The following DENND11 variants were observed in gnomAD, a reference collection of about 807,000 sequenced individuals.
The protein encoded by DENND11 is DENN domain-containing protein 11.
Under a neutral mutation model 49.2 loss-of-function variants are expected in DENND11, and 34 were observed. The ratio of observed to expected loss-of-function variants is 0.69; its 90% CI spans 0.53 to 0.92. DENND11 has a LOEUF of 0.92. Among genes scored for constraint, DENND11 ranks in the 40% least tolerant of loss-of-function variants. The pLI is 0.00. For missense variants in DENND11, 475 were observed against 581.6 expected (o/e 0.82, Z 1.88); for synonymous variants, 238 against 230.3 (o/e 1.03, Z -0.30).
In DENND11 at chr7:141,672,133, C is replaced by T. The variant is rs1316673421; in HGVS notation, c.681+1934G>A. ...CACAGATGCGCAGTGCCTCCCTCAG[C>T]GATCTGAGCACTGGCTGTGCAGGGA... On this transcript the variant is annotated intron_variant, in intron 4 of 8. Transcript: ENST00000536163. Among the ~76,000 whole-genome samples the T allele has an allele frequency of 5.3e-5, 8 of 152,342 alleles. No individual in the cohort carries two copies. The East Asian group carries it at 9.6e-4, about 18-fold the overall frequency.
intron 4 of DENND11, among the ~76,000 whole-genome samples, chr7:141,671,542 C>G (rs116151979): frequency 1.5e-3 from 223 of 152,296 alleles, no homozygotes; most frequent in African/African-American, 4.8e-3. Context: ...TTATTTGTAT[C>G]TGCAACCATA....
At position 141,659,722 on chromosome 7, in the gene DENND11, T is replaced by G. The variant is rs910420494; in HGVS notation, c.*2934A>C. On this transcript the variant is annotated 3_prime_UTR_variant, in exon 9 of 9. Transcript: ENST00000536163. The stretch of plus-strand genomic sequence containing the variant: ...GACAGCTTCACAGGAGAACTAGGCC[T>G]GCTCAGGCAGGCGAGGGCTGAGGCC... The G allele has an allele frequency of 6.6e-6, 1 of 152,266 alleles. No homozygotes were observed. The highest frequency in any genetic ancestry group is 2.1e-4 in the South Asian group (1 of 4,822). The allele number at this position is 152,266 out of a possible 1,614,324, so 9.4% of individuals were successfully genotyped here. A position where few individuals can be genotyped will look rare whatever the true frequency, so the allele number is the denominator to read the frequency against.
chr7:141,675,926 A>G (rs1227163066), intron 3 of DENND11, among the ~76,000 whole-genome samples: 1 of 152,234 alleles, frequency 6.6e-6, no homozygotes, highest in Non-Finnish European at 1.5e-5. Flanking sequence ...TCCTATAACA[A>G]ATAACTAGTT....
chr7:141,661,900 T>C lies in DENND11; in HGVS notation c.*756A>G, dbSNP rs1797801551. On this transcript the variant is annotated 3_prime_UTR_variant, in exon 9 of 9. Transcript: ENST00000536163. ...TTGCTTGCAAGCTCCAAGGCCAGCA[T>C]TGGCCCTTAGCAATTCACCAATTCA... The C allele has an allele frequency of 6.6e-6, 1 of 152,242 alleles. No individual in the cohort carries two copies. The highest frequency in any genetic ancestry group is 2.4e-5 in the African/African-American group (1 of 41,454). 9.4% of individuals were successfully genotyped at this position (152,242 alleles called of 1,614,324 possible). A position where few individuals can be genotyped will look rare whatever the true frequency, so the allele number is the denominator to read the frequency against.
At chr7:141,698,010 T>C (rs1484736420) in intron 1 of DENND11, among the ~76,000 whole-genome samples, 2 of 152,176 alleles carry the variant, frequency 1.3e-5, no homozygotes, top group Non-Finnish European at 2.9e-5. Flanking sequence ...TCTTGCAAGC[T>C]GCCCCAGTAC....
At position 141,674,233 on chromosome 7, in the gene DENND11, ACAC is replaced by A; in HGVS notation, c.528-16_528-14del. On this transcript the variant is annotated splice_polypyrimidine_tract_variant and intron_variant, in intron 3 of 8. Transcript: ENST00000536163. Reference sequence around the variant, plus strand: ...CTCCAACTGGTGCCTGCAGAAAAACACACACACACACACACACACACACACAGT... The same window carrying A: ...CTCCAACTGGTGCCTGCAGAAAAACAACACACACACACACACACACACAGT... 1 of 835,768 alleles carries A rather than the reference ACAC, an allele frequency of 1.2e-6. No homozygotes were observed. 51.8% of individuals were successfully genotyped at this position (835,768 alleles called of 1,614,324 possible). A position where few individuals can be genotyped will look rare whatever the true frequency, so the allele number is the denominator to read the frequency against.
rs2117045417 is a variant in DENND11, at chr7:141,658,531, C to A, written c.*4125G>T. ...TCCAAGCCTACTAGCTTGGGATCTA[C>A]TAGGGAGATAAAAGCCCATGCCTGG... On this transcript the variant is annotated 3_prime_UTR_variant, in exon 9 of 9. Transcript: ENST00000536163. The A allele has an allele frequency of 6.6e-6, 1 of 152,330 alleles. No homozygotes were observed. The highest frequency in any genetic ancestry group is 3.4e-3 in the Middle Eastern group (1 of 294). 9.4% of individuals were successfully genotyped at this position (152,330 alleles called of 1,614,324 possible).
At chr7:141,683,652 A>C (rs895890949) in intron 3 of DENND11, among the ~76,000 whole-genome samples, 4 of 152,076 alleles carry the variant, frequency 2.6e-5, no homozygotes, top group South Asian at 4.1e-4. Context: ...CAACAAACAA[A>C]AACAACAACA....
At chr7:141,683,304 G>C (rs557306025) in intron 3 of DENND11, among the ~76,000 whole-genome samples, 47 of 152,156 alleles carry the variant, frequency 3.1e-4, no homozygotes, top group African/African-American at 1.1e-3. Flanking sequence ...TGAGCAAAGG[G>C]GACAAACTAT....
chr7:141,701,793 C>G, intron 1 of DENND11, 93 bp downstream of exon 1: 13 of 1,015,080 alleles, frequency 1.3e-5, no homozygotes, highest in Non-Finnish European at 1.6e-5. Flanking sequence ...GCCGGGAGGG[C>G]AGGTGCGCGC....
At position 141,697,933 on chromosome 7, in the gene DENND11, C is replaced by T. The variant is rs571164614; in HGVS notation, c.268+3953G>A. Among the ~76,000 whole-genome samples, 72 of 152,240 alleles carry T rather than the reference C, an allele frequency of 4.7e-4. 1 individual carries two copies. Among genetic ancestry groups the T allele is most frequent in the African/African-American group, 1.6e-3 (68 of 41,534 alleles). Reference sequence around the variant, plus strand: ...GCTGAGGAACAGGTAGAAATTCATTCCCAAGAAGAAAGGGAGAAACATCTT... The same window carrying T: ...GCTGAGGAACAGGTAGAAATTCATTTCCAAGAAGAAAGGGAGAAACATCTT... On this transcript the variant is annotated intron_variant, in intron 1 of 8. Coordinates refer to ENST00000536163, the MANE Select transcript of DENND11 (RefSeq NM_001080392.2).
Position 141,693,692 on chromosome 7 carries a change from G to A in DENND11, c.269-7034C>T, listed in dbSNP as rs151081912. 5.0e-3 allele frequency among the ~76,000 whole-genome samples: 767 copies of A among 152,320 alleles called. 8 individuals are homozygous for A. The highest frequency in any genetic ancestry group is 0.018 in the African/African-American group (749 of 41,560). On this transcript the variant is annotated intron_variant, in intron 1 of 8. Coordinates refer to ENST00000536163, the MANE Select transcript of DENND11 (RefSeq NM_001080392.2). ...AAAATGAGCTATCAAGCCATGAAGA[G>A]ACATGGAGGAACTTTAAATGCATGT...
At position 141,662,552 on chromosome 7, in the gene DENND11, C is replaced by T; in HGVS notation, c.*104G>A. Reference sequence around the variant, plus strand: ...TTTGTTGGAAAGTATAAACAATATTCCTTTGTGTCAACTTAATAAAAAATG... The same window carrying T: ...TTTGTTGGAAAGTATAAACAATATTTCTTTGTGTCAACTTAATAAAAAATG... On this transcript the variant is annotated 3_prime_UTR_variant, in exon 9 of 9. Transcript: ENST00000536163. 1 of 725,816 alleles carries T rather than the reference C, an allele frequency of 1.4e-6. No homozygotes were observed. The highest frequency in any genetic ancestry group is 2.1e-6 in the Non-Finnish European group (1 of 481,382). 45.0% of individuals were successfully genotyped at this position (725,816 alleles called of 1,614,324 possible). A position where few individuals can be genotyped will look rare whatever the true frequency, so the allele number is the denominator to read the frequency against.
rs192056739 is a variant in DENND11 at position 141,657,225 on chromosome 7, C to G, written c.*5431G>C. 6.6e-6 allele frequency: 1 copy of G among 152,590 alleles called. No individual in the cohort carries two copies. The highest frequency in any genetic ancestry group is 1.9e-4 in the East Asian group (1 of 5,190). The allele number at this position is 152,590 out of a possible 1,614,324, so 9.5% of individuals were successfully genotyped here. A position where few individuals can be genotyped will look rare whatever the true frequency, so the allele number is the denominator to read the frequency against. ...ATTTTCCCGGACCTATACAAAAATT[C>G]AGTCAACAAGTTTTGGGTAAATAAA... is the stretch of plus-strand genomic sequence containing the variant. On this transcript the variant is annotated 3_prime_UTR_variant, in exon 9 of 9. Coordinates refer to ENST00000536163, the MANE Select transcript of DENND11 (RefSeq NM_001080392.2).
intron 1 of DENND11, among the ~76,000 whole-genome samples, chr7:141,690,500 G>T (rs1281976941): frequency 6.6e-6 from 1 of 152,138 alleles, no homozygotes; most frequent in Non-Finnish European, 1.5e-5. Context: ...TATATAGATT[G>T]TCTAACAGCT....
intron 7 of DENND11, among the ~76,000 whole-genome samples, chr7:141,664,533 G>A (rs1797856348): frequency 6.6e-6 from 1 of 152,186 alleles, no homozygotes. Context: ...ATACATATAA[G>A]CAAGCTTCTA....
chr7:141,698,032 G>A (rs1798443860), intron 1 of DENND11, among the ~76,000 whole-genome samples: 2 of 152,272 alleles, frequency 1.3e-5, no homozygotes, highest in Middle Eastern at 3.4e-3. Flanking sequence ...AACACAGGGA[G>A]CACAGGAATT....
Position 141,702,163 on chromosome 7 carries a change from A to AGGCGGAGCCGCGGGCGCGAGGGGCGG in DENND11, c.-11_-10insCCGCCCCTCGCGCCCGCGGCTCCGCC, listed in dbSNP as rs1798533960. On this transcript the variant is annotated 5_prime_UTR_variant, in exon 1 of 9. Coordinates refer to ENST00000536163, the MANE Select transcript of DENND11 (RefSeq NM_001080392.2). ...CTCCCTGCTCCACCATGGCTAGGCGAGGCGGAGCCGCGGGCGCGAGGGGCG... is the reference window on the plus strand; with the variant it reads ...CTCCCTGCTCCACCATGGCTAGGCGAGGCGGAGCCGCGGGCGCGAGGGGCGGGGCGGAGCCGCGGGCGCGAGGGGCG... The AGGCGGAGCCGCGGGCGCGAGGGGCGG allele has an allele frequency of 1.1e-6, 1 of 940,554 alleles. No homozygotes were observed. Among genetic ancestry groups the AGGCGGAGCCGCGGGCGCGAGGGGCGG allele is most frequent in the Non-Finnish European group, 1.3e-6 (1 of 791,786 alleles). The allele number at this position is 940,554 out of a possible 1,614,324, so 58.3% of individuals were successfully genotyped here. A position where few individuals can be genotyped will look rare whatever the true frequency, so the allele number is the denominator to read the frequency against.
chr7:141,685,025 A>AT (rs1450234330), intron 3 of DENND11, among the ~76,000 whole-genome samples: 5 of 102,064 alleles, frequency 4.9e-5, no homozygotes, highest in African/African-American at 6.6e-5. Context: ...AAAAAAAAAA[A>AT]AAAAATATAT....
Sources: gnomAD v4.1 joint callset for allele counts (sites outside exome capture counted in the v4.1 genomes callset) on GRCh38, gnomAD v4.1.1 for gene constraint, MANE v1.5 for transcripts, NCBI Gene and HGNC (gene_info 2026-07-23, HGNC 2026-07-21) for gene names.